Variants in LRCH2 observed in about 807,000 individuals in gnomAD.
The protein encoded by LRCH2 is leucine-rich repeat and calponin homology domain-containing protein 2.
Under a neutral mutation model 68.9 loss-of-function variants are expected in LRCH2, and 38 were observed. The ratio of observed to expected loss-of-function variants is 0.55; its 90% CI spans 0.43 to 0.72. The LOEUF (loss-of-function observed/expected upper bound fraction) is 0.72. Among genes scored for constraint, LRCH2 ranks in the 30% least tolerant of loss-of-function variants. The pLI is 0.00. For synonymous variants in LRCH2, 191 were observed against 208.1 expected, an observed-to-expected ratio of 0.92 and a Z score of 0.71; for missense variants, 528 against 572.9, an observed-to-expected ratio of 0.92 and a Z score of 0.80.
chrX:115,191,239 G>A lies in LRCH2; in HGVS notation c.350-2869C>T, dbSNP rs369337870. 3.0e-5 allele frequency: 34 copies of A among 1,151,719 alleles called. No homozygotes were observed. The East Asian group carries it at 4.1e-4, about 14-fold the overall frequency. 94.9% of individuals were successfully genotyped at this position (1,151,719 alleles called of 1,213,427 possible). On this transcript the variant is annotated intron_variant, in intron 1 of 20. Coordinates refer to ENST00000317135, the MANE Select transcript of LRCH2 (RefSeq NM_020871.4). ...CGAGGAGTACCGAGGCCGCTCCCTC[G>A]ATGCCAACAGTGGAGGCCGCTCGCC...
Position 115,165,415 on chromosome X carries a change from C to G in LRCH2, c.1345G>C (p.Asp449His). 1 of 1,121,638 alleles carries G rather than the reference C, an allele frequency of 8.9e-7. No individual in the cohort carries two copies. The highest frequency in any genetic ancestry group is 2.7e-5 in the Admixed American group (1 of 36,514). The allele number at this position is 1,121,638 out of a possible 1,213,427, so 92.4% of individuals were successfully genotyped here. A position where few individuals can be genotyped will look rare whatever the true frequency, so the allele number is the denominator to read the frequency against. Residue 449 changes from aspartate to histidine, a missense_variant, in exon 10 of 21, where the codon GAT (aspartate) becomes CAT (histidine). Coordinates refer to ENST00000317135, the MANE Select transcript of LRCH2 (RefSeq NM_020871.4). ...EKSRKNEELG[D>H]EKRLEKEQLL... ...TTCATATGTGCTTACCTTTTTTCAT[C>G]TCCTAATTCTTCATTTTTCCGAGAT...
Position 115,163,748 on chromosome X carries a change from T to A in LRCH2, c.1391A>T (p.Asp464Val). The A allele has an allele frequency of 2.5e-6, 3 of 1,198,851 alleles. No individual in the cohort carries two copies. The highest frequency in any genetic ancestry group is 2.3e-4 in the Middle Eastern group (1 of 4,324). The change falls in exon 11 of 21, where the codon GAT becomes GTT. Residue 464 changes from aspartate to valine, a missense_variant. Physicochemically the swap from Asp to Val is radical, Grantham distance 152. Coordinates refer to ENST00000317135, the MANE Select transcript of LRCH2 (RefSeq NM_020871.4). ...ATCAGTTACTTCCTTCAAATCATCATCCTCTTCCTCTGCCAGTAACTGTTC... is the reference window on the plus strand; with the variant it reads ...ATCAGTTACTTCCTTCAAATCATCAACCTCTTCCTCTGCCAGTAACTGTTC... The part of the protein sequence containing the change: ...EKEQLLAEEE[D>V]DDLKEVTDLR...
intron 14 of LRCH2, among the ~76,000 whole-genome samples, chrX:115,139,608 G>A (rs1188643248): frequency 5.4e-5 from 6 of 111,085 alleles, no homozygotes; most frequent in African/African-American, 2.0e-4. Flanking sequence ...GGTGAAACAC[G>A]GTCTCTACTA....
At chrX:115,201,958 T>C (rs187276666) in intron 1 of LRCH2, among the ~76,000 whole-genome samples, 8 of 111,559 alleles carry the variant, frequency 7.2e-5, no homozygotes, top group East Asian at 2.8e-4. Flanking sequence ...AGGTTAAAGA[T>C]CTCTACAAGG....
chrX:115,216,591 T>C (rs1399160939), intron 1 of LRCH2, among the ~76,000 whole-genome samples: 2 of 112,232 alleles, frequency 1.8e-5, no homozygotes, highest in African/African-American at 6.5e-5. Context: ...AGAATGGCTA[T>C]TACTAAAAAG....
At chrX:115,119,847 G>T (rs1328335066) in intron 20 of LRCH2, among the ~76,000 whole-genome samples, 2 of 107,832 alleles carry the variant, frequency 1.9e-5, no homozygotes, top group East Asian at 2.9e-4. Flanking sequence ...ACAGAACAGA[G>T]CCCTCAGAAA....
rs2072164579 is a variant in LRCH2 at position 115,123,963 on chromosome X, C to T, written c.1831G>A (p.Gly611Ser). The T allele has an allele frequency of 9.0e-7, 1 of 1,112,377 alleles. No individual in the cohort carries two copies. The highest frequency in any genetic ancestry group is 1.8e-5 in the African/African-American group (1 of 54,141). 91.7% of individuals were successfully genotyped at this position (1,112,377 alleles called of 1,213,427 possible). The change falls in exon 17 of 21, where the codon GGC becomes AGC. Residue 611 changes from glycine to serine, a missense_variant. Coordinates refer to ENST00000317135, the MANE Select transcript of LRCH2 (RefSeq NM_020871.4). ...RTDGFSHSPF[G>S]LKPRSAFSRS... ...TATTTACCTGATCTAGGCTTCAAGC[C>T]AAAGGGACTGTGTGAAAAACCATCA...
chrX:115,146,238 C>T (rs1166897367), intron 14 of LRCH2, among the ~76,000 whole-genome samples: 1 of 110,966 alleles, frequency 9.0e-6, no homozygotes, highest in African/African-American at 3.3e-5. Flanking sequence ...AACAATTGAA[C>T]TCATAAAGAT....
intron 1 of LRCH2, among the ~76,000 whole-genome samples, chrX:115,207,237 C>CG (rs2072974644): frequency 9.0e-6 from 1 of 110,699 alleles, no homozygotes; most frequent in Non-Finnish European, 1.9e-5. Context: ...ACCTAAAAAT[C>CG]GGGGGAAAAA....
At chrX:115,190,475 C>T (rs1408897760) in intron 1 of LRCH2, 16 of 1,166,205 alleles carry the variant, frequency 1.4e-5, no homozygotes, top group Non-Finnish European at 1.7e-5. Context: ...GAAGGCCGCT[C>T]GTCCGAGGCC....
chrX:115,177,469 G>A (rs1016023010), intron 5 of LRCH2, among the ~76,000 whole-genome samples: 2 of 111,066 alleles, frequency 1.8e-5, no homozygotes, highest in African/African-American at 6.6e-5. Context: ...CAAGCATTCT[G>A]GGAGCCAAAC....
chrX:115,191,418 G>C, intron 1 of LRCH2: 9 of 1,156,849 alleles, frequency 7.8e-6, no homozygotes, highest in Non-Finnish European at 1.0e-5. Context: ...GTTCTGGCCA[G>C]AGCAACTGCT....
intron 11 of LRCH2, among the ~76,000 whole-genome samples, chrX:115,158,022 T>G (rs1224107306): frequency 8.9e-6 from 1 of 112,053 alleles, no homozygotes; most frequent in Non-Finnish European, 1.9e-5. Context: ...TATTTTATGA[T>G]TTACTCTGAT....
chrX:115,136,823 AG>A (rs1309275507), intron 14 of LRCH2, among the ~76,000 whole-genome samples: 1 of 112,336 alleles, frequency 8.9e-6, no homozygotes, highest in Non-Finnish European at 1.9e-5. Flanking sequence ...GCCAGTAAGA[AG>A]TTTTTTGGAT....
rs781860559 is a variant in LRCH2 at position 115,169,651 on chromosome X, T to C, written c.998+648A>G. 4.5e-5 allele frequency among the ~76,000 whole-genome samples: 5 copies of C among 111,620 alleles called. No individual in the cohort carries two copies. The Admixed American group carries it at 4.8e-4, about 11-fold the overall frequency. On this transcript the variant is annotated intron_variant, in intron 6 of 20. Transcript: ENST00000317135. ...TCTTTAAATATTTTAGGCAAGGGCA[T>C]GGTCTAGCTTTCTGTAGTCTCACCC...
Position 115,191,124 on chromosome X carries a change from C to G in LRCH2, c.350-2754G>C, listed in dbSNP as rs868976223. ...ATGAGTACCGAGGCCGCTCGCATGA[C>G]GCCCACAGTGGGGGCTGCTCTGCCG... On this transcript the variant is annotated intron_variant, in intron 1 of 20. Transcript: ENST00000317135. The G allele has an allele frequency of 1.5e-5, 17 of 1,145,836 alleles. No individual in the cohort carries two copies. In the African/African-American group the frequency reaches 3.0e-4, roughly 20 times the overall value. The allele number at this position is 1,145,836 out of a possible 1,213,427, so 94.4% of individuals were successfully genotyped here.
At chrX:115,154,132 A>G (rs1337939563) in intron 12 of LRCH2, among the ~76,000 whole-genome samples, 1 of 111,689 alleles carries the variant, frequency 9.0e-6, no homozygotes, top group African/African-American at 3.2e-5. Context: ...AGTGGACTTC[A>G]GAGCAGAGAA....
chrX:115,167,933 T>G (rs1160059363), intron 6 of LRCH2, among the ~76,000 whole-genome samples: 1 of 112,208 alleles, frequency 8.9e-6, no homozygotes, highest in Admixed American at 9.4e-5. Flanking sequence ...ATGATGATAA[T>G]AAGCTATTTG....
At chrX:115,190,762 G>A (rs782556433) in intron 1 of LRCH2, 35 of 1,164,690 alleles carry the variant, frequency 3.0e-5, no homozygotes, top group South Asian at 1.5e-4. Context: ...CCGCTCCACT[G>A]ATGCCCACAG....
Sources: gnomAD v4.1 joint callset for allele counts (sites outside exome capture counted in the v4.1 genomes callset) on GRCh38, gnomAD v4.1.1 for gene constraint, MANE v1.5 for transcripts, NCBI Gene and HGNC (gene_info 2026-07-23, HGNC 2026-07-21) for gene names.